The following BTBD16 variants were observed in gnomAD, a reference collection of about 807,000 sequenced individuals.
BTBD16 encodes BTB/POZ domain-containing protein 16.
In BTBD16, 66 loss-of-function variants were observed where a neutral mutation model predicts 67.4. That is an observed-to-expected ratio of 0.98 (90% CI 0.80 to 1.20). BTBD16 has a LOEUF of 1.20. Ranked by LOEUF, BTBD16 falls within the 50% of genes most tolerant of loss-of-function variation. BTBD16 has a pLI of 0.00. For missense variants in BTBD16, 634 were observed against 616.0 expected, an observed-to-expected ratio of 1.03 and a Z score of -0.31; for synonymous variants, 242 against 236.4, an observed-to-expected ratio of 1.02 and a Z score of -0.22.
Position 122,313,662 on chromosome 10 carries a change from T to G in BTBD16, c.911+6354T>G, listed in dbSNP as rs183088288. ...TCTATTGTTTTACCTTGCATTTAGA[T>G]CTAGAGTCCATCCAGAAGTATTTTT... On this transcript the variant is annotated intron_variant, in intron 10 of 15. Transcript: ENST00000260723. 2.2e-4 allele frequency among the ~76,000 whole-genome samples: 34 copies of G among 152,334 alleles called. No homozygotes were observed. The East Asian group carries it at 6.2e-3, about 28-fold the overall frequency.
At chr10:122,297,988 G>GT in intron 8 of BTBD16, 151 bp downstream of exon 8, 2 of 666,300 alleles carry the variant, frequency 3.0e-6, no homozygotes, top group East Asian at 2.8e-5. Context: ...ACACATTTGT[G>GT]TGTTTTTTTT....
At chr10:122,320,533 G>T (rs1282130000) in intron 10 of BTBD16, among the ~76,000 whole-genome samples, 1 of 151,698 alleles carries the variant, frequency 6.6e-6, no homozygotes, top group Non-Finnish European at 1.5e-5. Flanking sequence ...TCTAATTATT[G>T]CTTTAGCTGC....
In BTBD16 at chr10:122,291,064, G is replaced by A; in HGVS notation, c.476-16G>A. On this transcript the variant is annotated splice_polypyrimidine_tract_variant and intron_variant, in intron 6 of 15. Coordinates refer to ENST00000260723, the MANE Select transcript of BTBD16 (RefSeq NM_144587.5). Reference sequence around the variant, plus strand: ...AGAGCCCCACACAGATGGCTCGCTTGGCTGTGCCTCCCCAGCCTTCGCCAC... The same window carrying A: ...AGAGCCCCACACAGATGGCTCGCTTAGCTGTGCCTCCCCAGCCTTCGCCAC... The A allele has an allele frequency of 6.2e-7, 1 of 1,605,400 alleles. No individual in the cohort carries two copies. Among genetic ancestry groups the A allele is most frequent in the Non-Finnish European group, 8.5e-7 (1 of 1,176,332 alleles).
rs564027503 is a variant in BTBD16 at position 122,282,607 on chromosome 10, T to A, written c.168-1244T>A. 3.3e-5 allele frequency among the ~76,000 whole-genome samples: 5 copies of A among 152,360 alleles called. No individual in the cohort carries two copies. The South Asian group carries it at 1.0e-3, about 32-fold the overall frequency. On this transcript the variant is annotated intron_variant, in intron 3 of 15. Coordinates refer to ENST00000260723, the MANE Select transcript of BTBD16 (RefSeq NM_144587.5). ...TGACTGTCTTTAAGCTGCGAATATG[T>A]GACTCAAATTTTGTTTCACTTCCTG...
chr10:122,335,565 C>T (rs1228888689), intron 14 of BTBD16, among the ~76,000 whole-genome samples: 1 of 152,200 alleles, frequency 6.6e-6, no homozygotes, highest in Non-Finnish European at 1.5e-5. Flanking sequence ...AGTTTCCTCA[C>T]CTTTAAGGCA....
At position 122,336,541 on chromosome 10, in the gene BTBD16, CA is replaced by C; in HGVS notation, c.1313del (p.Asn438ThrfsTer11). On this transcript the variant is annotated frameshift_variant, in exon 15 of 16. Transcript: ENST00000260723. LOFTEE classifies it high-confidence loss of function. Reference sequence around the variant, plus strand: ...AATCTCCCTCTGCGGTCTACGAGCACAACCACGTCAGCCTGCGAGCGGCACG... The same window carrying C: ...AATCTCCCTCTGCGGTCTACGAGCACACCACGTCAGCCTGCGAGCGGCACG... The part of the protein sequence containing the change: ...LESPSAVYEH[N>X]HVSLRAARLV... 6.2e-7 allele frequency: 1 copy of C among 1,612,518 alleles called. No homozygotes were observed. The highest frequency in any genetic ancestry group is 2.2e-5 in the East Asian group (1 of 44,812).
Position 122,307,216 on chromosome 10 carries a change from T to G in BTBD16, c.819T>G (p.Leu273=), listed in dbSNP as rs7100442. ...PRLFTFSEFH[L]LKTMLLWVFL... is the part of the protein sequence containing the mutation. ...TATTTACCTTTAGTGAATTCCATCT[T>G]CTGAAAACAATGCTTTTGTGGGTCT... Residue 273 remains leucine, a synonymous_variant, in exon 10 of 16, where the codon CTT becomes CTG. Coordinates refer to ENST00000260723, the MANE Select transcript of BTBD16 (RefSeq NM_144587.5). 0.049 allele frequency: 79,319 copies of G among 1,608,476 alleles called. 5,018 individuals carry two copies. Among genetic ancestry groups the G allele is most frequent in the East Asian group, 0.28 (12,375 of 44,632 alleles).
intron 9 of BTBD16, chr10:122,303,675 C>G: frequency 1.1e-6 from 1 of 893,208 alleles, no homozygotes; most frequent in Non-Finnish European, 1.3e-6. Flanking sequence ...AGGACAGTGT[C>G]TTATGAAAAG....
intron 12 of BTBD16, 90 bp from the exon 13 acceptor site, chr10:122,332,346 G>A (rs2096456472): frequency 1.7e-6 from 2 of 1,207,852 alleles, no homozygotes; most frequent in Admixed American, 4.1e-5. Context: ...GGTGAGGGGG[G>A]CAGGGGTCAA....
chr10:122,278,298 G>A (rs748571795), intron 3 of BTBD16, among the ~76,000 whole-genome samples: 1 of 152,172 alleles, frequency 6.6e-6, no homozygotes, highest in Non-Finnish European at 1.5e-5. Flanking sequence ...GTTAAAAGCA[G>A]TCTATCAATG....
At chr10:122,336,754 T>C (rs1411343078) in intron 15 of BTBD16, 72 bp downstream of exon 15, 1 of 1,362,274 alleles carries the variant, frequency 7.3e-7, no homozygotes, top group South Asian at 1.6e-5. Context: ...TGGGGATCAC[T>C]GGCTTCTAAT....
At position 122,334,021 on chromosome 10, in the gene BTBD16, T is replaced by C. The variant is rs568454129; in HGVS notation, c.1165-860T>C. ...CTCAGGTTGATATTGCCATCCAATT[T>C]GGAGTGAATTCATTCAAATTGTTAC... On this transcript the variant is annotated intron_variant, in intron 13 of 15. Coordinates refer to ENST00000260723, the MANE Select transcript of BTBD16 (RefSeq NM_144587.5). Among the ~76,000 whole-genome samples, 3 of 152,284 alleles carry C rather than the reference T, an allele frequency of 2.0e-5. No homozygotes were observed. The South Asian group carries it at 6.2e-4, about 32-fold the overall frequency.
In BTBD16 at chr10:122,314,013, G is replaced by A. The variant is rs1194555652; in HGVS notation, c.911+6705G>A. ...ATCCCCCAATTTTGTTCTTCTCCAA[G>A]ATTACTTTGGTCATTCTTGGTCCTT... On this transcript the variant is annotated intron_variant, in intron 10 of 15. Transcript: ENST00000260723. Among the ~76,000 whole-genome samples the A allele has an allele frequency of 3.3e-5, 5 of 152,192 alleles. No individual in the cohort carries two copies. The East Asian group carries it at 9.6e-4, about 29-fold the overall frequency.
intron 9 of BTBD16, among the ~76,000 whole-genome samples, chr10:122,305,140 A>C (rs760253027): frequency 2.0e-5 from 3 of 152,246 alleles, no homozygotes; most frequent in Non-Finnish European, 4.4e-5. Flanking sequence ...GTCAGTAATC[A>C]GCTGATTCTT....
intron 7 of BTBD16, chr10:122,295,347 G>T (rs763713064): frequency 5.1e-6 from 5 of 985,414 alleles, no homozygotes; most frequent in Non-Finnish European, 6.0e-6. Flanking sequence ...ATCAAACTGG[G>T]ATAAGCCTGG....
intron 7 of BTBD16, among the ~76,000 whole-genome samples, chr10:122,292,430 C>A (rs2096375770): frequency 6.6e-6 from 1 of 152,212 alleles, no homozygotes; most frequent in South Asian, 2.1e-4. Context: ...GTAACTTGGC[C>A]AAGGCCACGC....
chr10:122,287,643 A>C, intron 5 of BTBD16: 33 of 181,900 alleles, frequency 1.8e-4, no homozygotes, highest in Non-Finnish European at 3.0e-4. Context: ...AAAATATCTC[A>C]CAATGGTGGT....
intron 3 of BTBD16, among the ~76,000 whole-genome samples, chr10:122,277,935 G>A (rs1204909960): frequency 1.3e-5 from 2 of 152,312 alleles, no homozygotes; most frequent in African/African-American, 4.8e-5. Flanking sequence ...TAGGCTGGCA[G>A]CATCAGTCTT....
At chr10:122,303,634 G>A (rs1381220864) in intron 9 of BTBD16, 1 of 807,558 alleles carries the variant, frequency 1.2e-6, no homozygotes, top group Admixed American at 6.2e-5. Context: ...GACTTTTATT[G>A]TTTATATATA....
Sources: gnomAD v4.1 joint callset for allele counts (sites outside exome capture counted in the v4.1 genomes callset) on GRCh38, gnomAD v4.1.1 for gene constraint, MANE v1.5 for transcripts, NCBI Gene and HGNC (gene_info 2026-07-23, HGNC 2026-07-21) for gene names.